Variants in SHB observed in about 807,000 individuals in gnomAD.
SHB encodes the protein SH2 domain-containing adapter protein B.
SHB carries 20 observed loss-of-function variants against 52.3 expected under a neutral mutation model. That is an observed-to-expected ratio of 0.38 (90% CI 0.27 to 0.56). The LOEUF (loss-of-function observed/expected upper bound fraction) is 0.56, where lower values mean the gene tolerates loss of function less well. Ranked by LOEUF, SHB falls within the 20% of genes least tolerant of loss-of-function variation. SHB has a pLI of 0.71. For synonymous variants in SHB, 397 were observed against 316.5 expected (o/e 1.25, Z -2.70); for missense variants, 825 against 723.3 (o/e 1.14, Z -1.61).
At chr9:38,022,801 A>G (rs1289692968) in intron 1 of SHB, among the ~76,000 whole-genome samples, 2 of 152,248 alleles carry the variant, frequency 1.3e-5, no homozygotes, top group Non-Finnish European at 2.9e-5. Context: ...CCCAGAAGCC[A>G]TACAGACACA....
At chr9:38,030,863 C>T (rs888578437) in intron 1 of SHB, among the ~76,000 whole-genome samples, 3 of 152,094 alleles carry the variant, frequency 2.0e-5, no homozygotes, top group Non-Finnish European at 4.4e-5. Flanking sequence ...ATTCTATCAG[C>T]TCCTCAATTT....
At chr9:38,021,550 C>A (rs1179571973) in intron 1 of SHB, among the ~76,000 whole-genome samples, 2 of 152,064 alleles carry the variant, frequency 1.3e-5, no homozygotes, top group Admixed American at 1.3e-4. Context: ...TGCCTGCAGT[C>A]CCAGCTACTT....
At chr9:38,012,162 G>A (rs1288139545) in intron 2 of SHB, among the ~76,000 whole-genome samples, 5 of 152,146 alleles carry the variant, frequency 3.3e-5, no homozygotes, top group Non-Finnish European at 7.4e-5. Flanking sequence ...CTGCTGCATG[G>A]AGCCAAGGGA....
At chr9:38,025,563 G>A (rs1821331317) in intron 1 of SHB, among the ~76,000 whole-genome samples, 1 of 152,220 alleles carries the variant, frequency 6.6e-6, no homozygotes, top group Non-Finnish European at 1.5e-5. Flanking sequence ...AGGGTAAGGG[G>A]AAGGTACTAG....
rs1026955952 is a variant in SHB, at chr9:37,918,375, G to A, written c.*1446C>T. On this transcript the variant is annotated 3_prime_UTR_variant, in exon 6 of 6. Coordinates refer to ENST00000377707, the MANE Select transcript of SHB (RefSeq NM_003028.3). The stretch of plus-strand genomic sequence containing the variant: ...AGAGAGAGGTCGCGTGTGCGTGTGC[G>A]TGTGTAGGTGTTCTTGTGTGTGGAA... Among the ~76,000 whole-genome samples, 2 of 104,746 alleles carry A rather than the reference G, an allele frequency of 1.9e-5. No individual in the cohort carries two copies. The highest frequency in any genetic ancestry group is 5.9e-4 in the East Asian group (2 of 3,398). The allele number at this position is 104,746 out of a possible 152,430, so 68.7% of individuals were successfully genotyped here.
chr9:38,025,230 G>A lies in SHB; in HGVS notation c.718-9099C>T, dbSNP rs112020838. 5.4e-3 allele frequency among the ~76,000 whole-genome samples: 823 copies of A among 152,252 alleles called. 12 individuals carry two copies. Among genetic ancestry groups the A allele is most frequent in the African/African-American group, 0.019 (781 of 41,526 alleles). ...AGCTCTCTGTGGGAGGTGGGCTCCG[G>A]GCCAGGCTGGGTCCCCATGGAGCCA... On this transcript the variant is annotated intron_variant, in intron 1 of 5. Coordinates refer to ENST00000377707, the MANE Select transcript of SHB (RefSeq NM_003028.3).
At chr9:37,985,749 G>A (rs1309213500) in intron 2 of SHB, among the ~76,000 whole-genome samples, 1 of 152,236 alleles carries the variant, frequency 6.6e-6, no homozygotes, top group East Asian at 1.9e-4. Flanking sequence ...GAGGCCAGAT[G>A]CTGAGCACTA....
chr9:37,991,761 G>T (rs889689368), intron 2 of SHB, among the ~76,000 whole-genome samples: 5 of 152,196 alleles, frequency 3.3e-5, no homozygotes, highest in African/African-American at 1.2e-4. Flanking sequence ...ATTTTGATCA[G>T]CAAAGCTCTG....
At position 37,919,711 on chromosome 9, in the gene SHB, C is replaced by T; in HGVS notation, c.*110G>A. On this transcript the variant is annotated 3_prime_UTR_variant, in exon 6 of 6. Coordinates refer to ENST00000377707, the MANE Select transcript of SHB (RefSeq NM_003028.3). ...CATGCAGTGGTGTGCTAGTACCATA[C>T]ACACAACACAAACGACACAGCCAGC... 1 of 832,830 alleles carries T rather than the reference C, an allele frequency of 1.2e-6. No individual in the cohort carries two copies. The allele number at this position is 832,830 out of a possible 1,614,324, so 51.6% of individuals were successfully genotyped here.
At chr9:37,965,732 T>C (rs1175410843) in intron 3 of SHB, among the ~76,000 whole-genome samples, 1 of 152,130 alleles carries the variant, frequency 6.6e-6, no homozygotes, top group East Asian at 1.9e-4. Context: ...CCTGTCACCA[T>C]GCCCAGCTAA....
intron 3 of SHB, among the ~76,000 whole-genome samples, chr9:37,962,503 A>ATCTT (rs1031040690): frequency 1.3e-4 from 18 of 133,842 alleles, no homozygotes; most frequent in African/African-American, 4.7e-4. Context: ...AAATGGCTTC[A>ATCTT]TCTTTCTTTT....
chr9:38,067,840 G>A (rs1020711880), intron 1 of SHB, 89 bp downstream of exon 1: 3 of 1,321,468 alleles, frequency 2.3e-6, no homozygotes, highest in Non-Finnish European at 2.9e-6. Context: ...AGCTGAAGTA[G>A]AGACTCAACA....
At chr9:37,992,720 G>A (rs1253539970) in intron 2 of SHB, among the ~76,000 whole-genome samples, 1 of 152,198 alleles carries the variant, frequency 6.6e-6, no homozygotes, top group Non-Finnish European at 1.5e-5. Context: ...ACAGCATGGT[G>A]TAAATGAACT....
At chr9:38,032,249 C>A (rs1400738396) in intron 1 of SHB, among the ~76,000 whole-genome samples, 1 of 152,204 alleles carries the variant, frequency 6.6e-6, no homozygotes, top group African/African-American at 2.4e-5. Context: ...TTCCTAATCA[C>A]CTCATTTTCA....
rs957492865 is a variant in SHB at position 38,067,782 on chromosome 9, C to T, written c.717+147G>A. ...CCCAGGAAAAGGGCGCGGGAGGAGG[C>T]AGAAGCGGGAAGCAGCACGCCAGCC... On this transcript the variant is annotated intron_variant, in intron 1 of 5. Coordinates refer to ENST00000377707, the MANE Select transcript of SHB (RefSeq NM_003028.3). 10 of 871,546 alleles carry T rather than the reference C, an allele frequency of 1.1e-5. No homozygotes were observed. The African/African-American group carries it at 1.8e-4, about 16-fold the overall frequency. 54.0% of individuals were successfully genotyped at this position (871,546 alleles called of 1,614,324 possible).
chr9:38,058,729 C>T (rs1821852415), intron 1 of SHB, among the ~76,000 whole-genome samples: 2 of 152,212 alleles, frequency 1.3e-5, no homozygotes, highest in Admixed American at 1.3e-4. Context: ...CTCACCTGCT[C>T]CGCTCAGTCA....
chr9:37,975,895 G>A (rs1820647209), intron 2 of SHB, among the ~76,000 whole-genome samples: 1 of 152,152 alleles, frequency 6.6e-6, no homozygotes, highest in Non-Finnish European at 1.5e-5. Context: ...TGTCAGCTCT[G>A]ACAAGTGGAA....
At chr9:38,006,902 T>C (rs1356255803) in intron 2 of SHB, among the ~76,000 whole-genome samples, 2 of 152,170 alleles carry the variant, frequency 1.3e-5, no homozygotes, top group Non-Finnish European at 2.9e-5. Flanking sequence ...CTACTGAAGG[T>C]GGCCCTGGCC....
At position 37,994,314 on chromosome 9, in the gene SHB, A is replaced by C. The variant is rs570608761; in HGVS notation, c.839-19477T>G. On this transcript the variant is annotated intron_variant, in intron 2 of 5. Coordinates refer to ENST00000377707, the MANE Select transcript of SHB (RefSeq NM_003028.3). The stretch of plus-strand genomic sequence containing the variant: ...GTAGATATGAAAGAGTAACCAATGA[A>C]GAGCACCGTGCATATAAATATTATT... 3.5e-4 allele frequency among the ~76,000 whole-genome samples: 53 copies of C among 152,366 alleles called. 1 individual carries two copies. The East Asian group carries it at 0.01, about 29-fold the overall frequency.
Sources: allele counts gnomAD v4.1 joint callset (sites outside exome capture counted in the v4.1 genomes callset), GRCh38; gene constraint gnomAD v4.1.1; transcripts MANE v1.5; gene names NCBI Gene and HGNC (gene_info 2026-07-23, HGNC 2026-07-21).